EPS15: variants seen among roughly 807,000 people sequenced by gnomAD.
EPS15 encodes epidermal growth factor receptor substrate 15.
A neutral mutation model predicts 113.8 loss-of-function variants in EPS15; 72 were observed. The ratio of observed to expected loss-of-function variants is 0.63; its 90% CI spans 0.52 to 0.77. The LOEUF is 0.77. Among genes scored for constraint, EPS15 ranks in the 30% least tolerant of loss-of-function variants. The pLI is 0.00. For synonymous variants in EPS15, 344 were observed against 363.4 expected, an observed-to-expected ratio of 0.95 and a Z score of 0.61; for missense variants, 1,048 against 1,045.8, an observed-to-expected ratio of 1.00 and a Z score of -0.03.
Position 51,448,052 on chromosome 1 carries a change from T to C in EPS15, c.645A>G (p.Arg215=). Residue 215 remains arginine, a synonymous_variant, in exon 9 of 25, where the codon AGA becomes AGG. Transcript: ENST00000371733. ...CAGAGCCTGATATACTGACCGTTTT[T>C]CTCTTAGATGGTGGCACCAAGGCTG... is the stretch of plus-strand genomic sequence containing the variant. ...LPPALVPPSK[R]KTWVVSPAEK... 1.2e-6 allele frequency: 2 copies of C among 1,613,736 alleles called. No individual in the cohort carries two copies. Among genetic ancestry groups the C allele is most frequent in the South Asian group, 1.1e-5 (1 of 91,068 alleles).
At position 51,431,016 on chromosome 1, in the gene EPS15, ACACACACAC is replaced by A. The variant is rs1557462573; in HGVS notation, c.1041-9167_1041-9159del. On this transcript the variant is annotated intron_variant, in intron 12 of 24. Coordinates refer to ENST00000371733, the MANE Select transcript of EPS15 (RefSeq NM_001981.3). The stretch of plus-strand genomic sequence containing the variant: ...CACACACACACACACACACACACAC[ACACACACAC>A]ACAAAAATAAAACTTGCCTTAATTA... 3.4e-4 allele frequency among the ~76,000 whole-genome samples: 46 copies of A among 137,154 alleles called. 1 individual carries two copies. The highest frequency in any genetic ancestry group is 1.1e-3 in the African/African-American group (42 of 37,086). The allele number at this position is 137,154 out of a possible 152,430, so 90.0% of individuals were successfully genotyped here.
chr1:51,376,064 T>G (rs915122232), intron 21 of EPS15, among the ~76,000 whole-genome samples: 1 of 152,236 alleles, frequency 6.6e-6, no homozygotes, highest in East Asian at 1.9e-4. Flanking sequence ...GACAAAGCAG[T>G]CTTCTACTGG....
intron 21 of EPS15, among the ~76,000 whole-genome samples, chr1:51,381,179 TC>T (rs1031240304): frequency 6.6e-6 from 1 of 152,076 alleles, no homozygotes; most frequent in African/African-American, 2.4e-5. Flanking sequence ...TACAGAACAC[TC>T]CACCCAACAA....
chr1:51,422,842 T>C (rs1395116263), intron 12 of EPS15, among the ~76,000 whole-genome samples: 1 of 152,164 alleles, frequency 6.6e-6, no homozygotes, highest in Admixed American at 6.5e-5. Flanking sequence ...GGCGGCAACA[T>C]GGAGAAGGGA....
intron 21 of EPS15, among the ~76,000 whole-genome samples, chr1:51,390,233 A>G (rs1299680186): frequency 6.6e-6 from 1 of 152,186 alleles, no homozygotes; most frequent in African/African-American, 2.4e-5. Context: ...CCTATTTAAT[A>G]AATGGTGCTG....
rs113439920 is a variant in EPS15 at position 51,408,907 on chromosome 1, C to A, written c.1276-575G>T. On this transcript the variant is annotated intron_variant, in intron 14 of 24. Coordinates refer to ENST00000371733, the MANE Select transcript of EPS15 (RefSeq NM_001981.3). ...CTCCGCCTCCTGGGTTCACACCATT[C>A]TCCTGGCTCAGCCTGCCGAGTAGCT... Among the ~76,000 whole-genome samples, 1,234 of 151,130 alleles carry A rather than the reference C, an allele frequency of 8.2e-3. 12 individuals carry two copies. Among genetic ancestry groups the A allele is most frequent in the African/African-American group, 0.029 (1,189 of 40,982 alleles).
At chr1:51,403,978 C>T (rs1648841260) in intron 16 of EPS15, among the ~76,000 whole-genome samples, 1 of 152,174 alleles carries the variant, frequency 6.6e-6, no homozygotes, top group African/African-American at 2.4e-5. Flanking sequence ...GTGATCGTGA[C>T]CCTTCTGGTT....
At chr1:51,380,692 C>T (rs1160595908) in intron 21 of EPS15, among the ~76,000 whole-genome samples, 2 of 151,954 alleles carry the variant, frequency 1.3e-5, no homozygotes, top group Non-Finnish European at 2.9e-5. Flanking sequence ...TAAGTCCTTC[C>T]CTATCAGTAA....
intron 12 of EPS15, among the ~76,000 whole-genome samples, chr1:51,429,641 TG>T (rs367703961): frequency 0.035 from 4,701 of 136,060 alleles, 116 homozygotes; most frequent in Non-Finnish European, 0.051. Flanking sequence ...CTGTTGTTGT[TG>T]GTTTTTTTTT....
chr1:51,408,428 T>G, intron 14 of EPS15, 96 bp from the exon 15 acceptor site: 1 of 900,586 alleles, frequency 1.1e-6, no homozygotes. Flanking sequence ...TTTAGTTTAC[T>G]ATTTTGGTGT....
chr1:51,457,295 TAAAAATTAA>T (rs1654077860), intron 8 of EPS15, among the ~76,000 whole-genome samples: 1 of 151,220 alleles, frequency 6.6e-6, no homozygotes, highest in Non-Finnish European at 1.5e-5. Context: ...TCAAAAAAAA[TAAAAATTAA>T]AACTAAAAAA....
At chr1:51,366,116 C>CA (rs1646502995) in intron 21 of EPS15, 87 bp from the exon 22 acceptor site, 3 of 843,716 alleles carry the variant, frequency 3.6e-6, no homozygotes, top group Non-Finnish European at 5.6e-6. Context: ...CACCCAGCCT[C>CA]AAGAGCAGTG....
chr1:51,410,175 G>A (rs1053250518), intron 13 of EPS15, among the ~76,000 whole-genome samples: 1 of 151,850 alleles, frequency 6.6e-6, no homozygotes, highest in Non-Finnish European at 1.5e-5. Flanking sequence ...GTTGCAGCGA[G>A]CCGAGATCAT....
intron 1 of EPS15, among the ~76,000 whole-genome samples, chr1:51,517,321 T>C (rs1644740100): frequency 6.6e-6 from 1 of 152,234 alleles, no homozygotes; most frequent in African/African-American, 2.4e-5. Flanking sequence ...CCGTACTTAC[T>C]GTGTACACAT....
At chr1:51,459,486 ACT>A (rs1160212363) in intron 8 of EPS15, among the ~76,000 whole-genome samples, 1 of 152,122 alleles carries the variant, frequency 6.6e-6, no homozygotes, top group African/African-American at 2.4e-5. Context: ...ACAGAGCAAG[ACT>A]CTGTCTCAAA....
chr1:51,513,592 A>C (rs951313133), intron 1 of EPS15, among the ~76,000 whole-genome samples: 1 of 152,170 alleles, frequency 6.6e-6, no homozygotes, highest in Non-Finnish European at 1.5e-5. Context: ...CAGAAAGAAG[A>C]CTTCACTAGC....
At chr1:51,392,832 AC>A (rs1647519715) in intron 21 of EPS15, among the ~76,000 whole-genome samples, 1 of 152,298 alleles carries the variant, frequency 6.6e-6, no homozygotes. Flanking sequence ...TATGGCACTT[AC>A]CATTTCCTTG....
At chr1:51,363,833 C>A in intron 23 of EPS15, 33 bp downstream of exon 23, 1 of 1,580,060 alleles carries the variant, frequency 6.3e-7, no homozygotes, top group South Asian at 1.2e-5. Context: ...AAAAGCCATG[C>A]AGTTGACTGA....
intron 12 of EPS15, among the ~76,000 whole-genome samples, chr1:51,432,378 C>T (rs1435226697): frequency 6.6e-6 from 1 of 151,686 alleles, no homozygotes; most frequent in African/African-American, 2.4e-5. Flanking sequence ...CTTTGTTGCC[C>T]AGGGTGATCT....
Sources: gnomAD v4.1 joint callset for allele counts (sites outside exome capture counted in the v4.1 genomes callset) on GRCh38, gnomAD v4.1.1 for gene constraint, MANE v1.5 for transcripts, NCBI Gene and HGNC (gene_info 2026-07-23, HGNC 2026-07-21) for gene names.